Variants in LRRIQ1 observed in about 807,000 individuals in gnomAD.
LRRIQ1 encodes leucine-rich repeat- and IQ domain-containing protein 1.
LRRIQ1 carries 210 observed loss-of-function variants against 211.9 expected under a neutral mutation model. That is an observed-to-expected ratio of 0.99 (90% CI 0.89 to 1.11). LRRIQ1 has a LOEUF of 1.11. LRRIQ1 is among the 50% of genes most tolerant of loss of function. LRRIQ1 has a pLI of 0.00. For missense variants in LRRIQ1, 2,136 were observed against 1,939.5 expected, an observed-to-expected ratio of 1.10 and a Z score of -1.90; for synonymous variants, 699 against 650.1, an observed-to-expected ratio of 1.08 and a Z score of -1.14.
At chr12:85,124,698 T>G in intron 17 of LRRIQ1, 179 bp downstream of exon 17, 1 of 561,392 alleles carries the variant, frequency 1.8e-6, no homozygotes, top group Non-Finnish European at 3.1e-6. Context: ...AAATCATTAA[T>G]TATAGTGCAT....
chr12:85,070,565 T>A (rs1469464488), intron 10 of LRRIQ1, among the ~76,000 whole-genome samples: 1 of 151,952 alleles, frequency 6.6e-6, no homozygotes, highest in South Asian at 2.1e-4. Flanking sequence ...TGCCAACTTG[T>A]TTTTTGTTTG....
downstream of LRRIQ1, among the ~76,000 whole-genome samples, chr12:85,268,331 T>C (rs1308344026): frequency 2.0e-5 from 3 of 151,920 alleles, no homozygotes; most frequent in African/African-American, 7.2e-5. Flanking sequence ...ACTTATTTTT[T>C]CACATGGCAA....
chr12:85,086,399 G>C (rs1291306509), intron 11 of LRRIQ1, among the ~76,000 whole-genome samples: 1 of 152,054 alleles, frequency 6.6e-6, no homozygotes, highest in African/African-American at 2.4e-5. Context: ...TGGTTTAAAA[G>C]TGTGTAGCAC....
intron 15 of LRRIQ1, 96 bp from the exon 16 acceptor site, chr12:85,121,601 A>G (rs1209417954): frequency 9.3e-6 from 8 of 857,106 alleles, no homozygotes; most frequent in Non-Finnish European, 1.3e-5. Context: ...TATATATCCT[A>G]TGCTTGTATT....
At chr12:85,189,068 G>A (rs1272025186) in intron 24 of LRRIQ1, among the ~76,000 whole-genome samples, 3 of 152,004 alleles carry the variant, frequency 2.0e-5, no homozygotes, top group Non-Finnish European at 1.5e-5. Context: ...AAACTTGATC[G>A]TAAGATTAAG....
At chr12:85,270,637 T>C in the LRRIQ1 span, among the ~76,000 whole-genome samples, 7 of 152,174 alleles carry the variant, frequency 4.6e-5, no homozygotes, top group Non-Finnish European at 7.4e-5. Flanking sequence ...TCTATGTCCA[T>C]AATCCTTAGT....
At chr12:85,217,349 G>T (rs945063987) in intron 24 of LRRIQ1, among the ~76,000 whole-genome samples, 1 of 149,830 alleles carries the variant, frequency 6.7e-6, no homozygotes, top group African/African-American at 2.5e-5. Context: ...AATAAAAGTT[G>T]TAAAGGAAAT....
At chr12:85,219,867 CCAA>C (rs1173249049) in intron 24 of LRRIQ1, among the ~76,000 whole-genome samples, 1 of 152,042 alleles carries the variant, frequency 6.6e-6, no homozygotes, top group African/African-American at 2.4e-5. Flanking sequence ...TGTCAACTTT[CCAA>C]CAACAGATTG....
chr12:85,061,143 T>C (rs1448407839), intron 8 of LRRIQ1, among the ~76,000 whole-genome samples: 1 of 151,820 alleles, frequency 6.6e-6, no homozygotes, highest in Admixed American at 6.6e-5. Context: ...CATTCATTTA[T>C]TTATTTTAAG....
chr12:85,201,682 TA>T (rs909629458), intron 24 of LRRIQ1, among the ~76,000 whole-genome samples: 5 of 151,850 alleles, frequency 3.3e-5, no homozygotes, highest in African/African-American at 1.2e-4. Context: ...CTCTCTTTAC[TA>T]AAAAAAATTA....
chr12:85,055,515 T>C, intron 7 of LRRIQ1, 32 bp from the exon 8 acceptor site: 2 of 1,399,140 alleles, frequency 1.4e-6, no homozygotes, highest in Non-Finnish European at 1.9e-6. Flanking sequence ...GTTTAGTTTA[T>C]GCTGACTACC....
intron 1 of LRRIQ1, among the ~76,000 whole-genome samples, chr12:85,251,156 A>G (rs915690096): frequency 2.0e-5 from 3 of 150,088 alleles, no homozygotes; most frequent in African/African-American, 4.9e-5. Context: ...CTTGGACCAC[A>G]TGAAGTCCAA....
chr12:85,244,917 G>T lies in LRRIQ1; in HGVS notation c.5145G>T (p.Leu1715Phe). 6.2e-7 allele frequency: 1 copy of T among 1,610,408 alleles called. No homozygotes were observed. The highest frequency in any genetic ancestry group is 8.5e-7 in the Non-Finnish European group (1 of 1,177,780). Residue 1715 changes from leucine to phenylalanine, a missense_variant, in exon 27 of 27, where the codon TTG (leucine) becomes TTT (phenylalanine). Physicochemically the swap from Leu to Phe is conservative, Grantham distance 22. Coordinates refer to ENST00000393217, the MANE Select transcript of LRRIQ1 (RefSeq NM_001079910.2). ...ACTCAGCAGGATCTTCAAGTAAGTTGTGGTTTCCTTCAAAATTAATTTAGA... is the reference window on the plus strand; with the variant it reads ...ACTCAGCAGGATCTTCAAGTAAGTTTTGGTTTCCTTCAAAATTAATTTAGA... ...HRHSAGSSSK[L>F]WFPSKLI
intron 4 of LRRIQ1, among the ~76,000 whole-genome samples, 171 bp from the exon 5 acceptor site, chr12:85,045,849 T>G (rs1454241323): frequency 6.6e-6 from 1 of 152,050 alleles, no homozygotes; most frequent in African/African-American, 2.4e-5. Flanking sequence ...AATTTTTTAT[T>G]CATTGTAAAG....
At position 85,111,274 on chromosome 12, in the gene LRRIQ1, A is replaced by G. The variant is rs147384790; in HGVS notation, c.3377+4659A>G. 2.6e-4 allele frequency among the ~76,000 whole-genome samples: 40 copies of G among 152,244 alleles called. 1 individual carries two copies. In the East Asian group the frequency reaches 5.0e-3, roughly 19 times the overall value. On this transcript the variant is annotated intron_variant, in intron 15 of 26. Coordinates refer to ENST00000393217, the MANE Select transcript of LRRIQ1 (RefSeq NM_001079910.2). ...GACCATAGGGAAGGGTACAACTGAC[A>G]TATAACCACTCTGCTTTCACAGGTG...
downstream of LRRIQ1, among the ~76,000 whole-genome samples, chr12:85,249,257 G>A (rs1258253410): frequency 6.6e-6 from 1 of 151,728 alleles, no homozygotes; most frequent in Non-Finnish European, 1.5e-5. Flanking sequence ...GATGGATATT[G>A]AAGTTTATTT....
chr12:85,159,693 C>A (rs538501683), intron 23 of LRRIQ1, among the ~76,000 whole-genome samples: 2 of 151,672 alleles, frequency 1.3e-5, no homozygotes, highest in Non-Finnish European at 2.9e-5. Flanking sequence ...TATAAGACAC[C>A]GAACAGTTTG....
chr12:85,170,209 GC>G (rs1891348310), intron 24 of LRRIQ1, among the ~76,000 whole-genome samples: 2 of 151,362 alleles, frequency 1.3e-5, no homozygotes, highest in Non-Finnish European at 3.0e-5. Context: ...CCCTAATTCT[GC>G]CATAATTGAA....
At chr12:85,172,905 G>A (rs1013528322) in intron 24 of LRRIQ1, among the ~76,000 whole-genome samples, 2 of 151,682 alleles carry the variant, frequency 1.3e-5, no homozygotes, top group African/African-American at 2.4e-5. Flanking sequence ...TCAAGAGATC[G>A]AGACCATCCT....
Sources: allele counts gnomAD v4.1 joint callset (sites outside exome capture counted in the v4.1 genomes callset), GRCh38; gene constraint gnomAD v4.1.1; transcripts MANE v1.5; gene names NCBI Gene and HGNC (gene_info 2026-07-23, HGNC 2026-07-21).